ZNF804B: variants seen among roughly 807,000 people sequenced by gnomAD.
ZNF804B encodes zinc finger 804B.
A neutral mutation model predicts 101.4 loss-of-function variants in ZNF804B; 80 were observed. The ratio of observed to expected loss-of-function variants is 0.79; its 90% CI spans 0.66 to 0.95. ZNF804B has a LOEUF of 0.95. ZNF804B is among the 40% of genes least tolerant of loss of function. The pLI, the probability that ZNF804B is intolerant of heterozygous loss-of-function variation, is 0.00. For synonymous variants in ZNF804B, 622 were observed against 558.8 expected, an observed-to-expected ratio of 1.11 and a Z score of -1.59; for missense variants, 1,673 against 1,561.9, an observed-to-expected ratio of 1.07 and a Z score of -1.20.
intron 1 of ZNF804B, among the ~76,000 whole-genome samples, chr7:88,979,729 G>T (rs1487871329): frequency 6.7e-6 from 1 of 149,254 alleles, no homozygotes; most frequent in Non-Finnish European, 1.5e-5. Context: ...TAACCTTCTT[G>T]TACTTTTCAA....
intron 1 of ZNF804B, among the ~76,000 whole-genome samples, chr7:88,942,764 G>T (rs1793074695): frequency 6.6e-6 from 1 of 151,738 alleles, no homozygotes; most frequent in African/African-American, 2.4e-5. Flanking sequence ...TATATTATGT[G>T]TGTTGGTTCT....
At position 88,917,689 on chromosome 7, in the gene ZNF804B, C is replaced by T. The variant is rs549604552; in HGVS notation, c.108+157605C>T. Among the ~76,000 whole-genome samples, 5 of 152,138 alleles carry T rather than the reference C, an allele frequency of 3.3e-5. 1 individual carries two copies. The South Asian group carries it at 1.0e-3, about 32-fold the overall frequency. ...ATTTTGCAAATTACATCAAGATTGC[C>T]AGGTTAAATGTAAGAGCTAGGGACT... On this transcript the variant is annotated intron_variant, in intron 1 of 3. Coordinates refer to ENST00000333190, the MANE Select transcript of ZNF804B (RefSeq NM_181646.5).
chr7:88,974,509 T>C (rs1793585679), intron 1 of ZNF804B, among the ~76,000 whole-genome samples: 1 of 151,228 alleles, frequency 6.6e-6, no homozygotes, highest in African/African-American at 2.4e-5. Flanking sequence ...ATCTGGCCCT[T>C]AGAAAAATAA....
At chr7:89,006,664 A>G (rs1788372447) in intron 1 of ZNF804B, among the ~76,000 whole-genome samples, 1 of 152,148 alleles carries the variant, frequency 6.6e-6, no homozygotes, top group South Asian at 2.1e-4. Flanking sequence ...CAATGTCAGT[A>G]CATATTCACT....
At chr7:89,200,125 G>A (rs1220429821) in intron 1 of ZNF804B, among the ~76,000 whole-genome samples, 1 of 151,752 alleles carries the variant, frequency 6.6e-6, no homozygotes, top group Non-Finnish European at 1.5e-5. Context: ...TAGAGGTTAA[G>A]TGATGCACTG....
chr7:89,242,735 A>G (rs1263884613), intron 2 of ZNF804B, among the ~76,000 whole-genome samples: 4 of 151,916 alleles, frequency 2.6e-5, no homozygotes, highest in African/African-American at 9.7e-5. Flanking sequence ...TTTCCAAAGC[A>G]TATGTAATAT....
At chr7:88,875,803 C>T (rs1236161583) in intron 1 of ZNF804B, among the ~76,000 whole-genome samples, 1 of 152,202 alleles carries the variant, frequency 6.6e-6, no homozygotes, top group African/African-American at 2.4e-5. Context: ...CTCGCTAACT[C>T]ATTTTATGAG....
chr7:88,858,948 A>G (rs1791610510), intron 1 of ZNF804B, among the ~76,000 whole-genome samples: 1 of 152,116 alleles, frequency 6.6e-6, no homozygotes, highest in East Asian at 1.9e-4. Context: ...TTGAGATGGA[A>G]GATTATTAAT....
intron 1 of ZNF804B, among the ~76,000 whole-genome samples, chr7:88,903,476 G>C (rs978734015): frequency 7.9e-5 from 12 of 152,114 alleles, no homozygotes; most frequent in Non-Finnish European, 1.5e-4. Context: ...ACCCAGTACT[G>C]GGATTGCTGT....
chr7:88,837,941 AT>A (rs1351493091), intron 1 of ZNF804B, among the ~76,000 whole-genome samples: 1 of 151,776 alleles, frequency 6.6e-6, no homozygotes, highest in Admixed American at 6.6e-5. Flanking sequence ...TTATTTAAAA[AT>A]ATAATACATG....
At chr7:88,939,356 G>A (rs1188143228) in intron 1 of ZNF804B, among the ~76,000 whole-genome samples, 1 of 151,742 alleles carries the variant, frequency 6.6e-6, no homozygotes, top group South Asian at 2.1e-4. Context: ...TTGTTGTAAT[G>A]TTAATATTTA....
intron 1 of ZNF804B, among the ~76,000 whole-genome samples, chr7:89,117,010 C>T (rs939302086): frequency 6.6e-6 from 1 of 152,114 alleles, no homozygotes; most frequent in African/African-American, 2.4e-5. Flanking sequence ...TTTGACCACA[C>T]AGAGAAGGCA....
At chr7:88,939,413 C>T (rs1016549360) in intron 1 of ZNF804B, among the ~76,000 whole-genome samples, 10 of 151,754 alleles carry the variant, frequency 6.6e-5, no homozygotes, top group Admixed American at 6.6e-4. Context: ...CAGACAGAAT[C>T]CACAAATATG....
intron 1 of ZNF804B, among the ~76,000 whole-genome samples, chr7:89,006,855 G>T (rs1317223525): frequency 6.6e-6 from 1 of 151,974 alleles, no homozygotes; most frequent in East Asian, 1.9e-4. Context: ...TTTTCTTAGG[G>T]TGCTAACAAT....
At chr7:89,187,325 C>T (rs1201031678) in intron 1 of ZNF804B, among the ~76,000 whole-genome samples, 2 of 152,096 alleles carry the variant, frequency 1.3e-5, no homozygotes, top group Non-Finnish European at 2.9e-5. Flanking sequence ...GGATCATATT[C>T]TTTCTCACCA....
At chr7:88,901,030 C>T (rs1422850353) in intron 1 of ZNF804B, among the ~76,000 whole-genome samples, 1 of 151,578 alleles carries the variant, frequency 6.6e-6, no homozygotes, top group Non-Finnish European at 1.5e-5. Context: ...TTTTAATTTG[C>T]TTTTTCAAGT....
At chr7:88,890,717 G>T (rs368311653) in intron 1 of ZNF804B, among the ~76,000 whole-genome samples, 1 of 152,048 alleles carries the variant, frequency 6.6e-6, no homozygotes, top group East Asian at 1.9e-4. Context: ...GTTATTGGTG[G>T]ATACATATAA....
Position 88,936,113 on chromosome 7 carries a change from A to T in ZNF804B, c.108+176029A>T, listed in dbSNP as rs1355009720. Among the ~76,000 whole-genome samples, 235 of 139,456 alleles carry T rather than the reference A, an allele frequency of 1.7e-3. 1 individual carries two copies. The highest frequency in any genetic ancestry group is 3.6e-3 in the Middle Eastern group (1 of 276). The allele number at this position is 139,456 out of a possible 152,430, so 91.5% of individuals were successfully genotyped here. ...TTCATCTTTCTTCCTTTTTTTTTTT[A>T]AAAAAAATAACATATGCCTGTGGTC... is the stretch of plus-strand genomic sequence containing the variant. On this transcript the variant is annotated intron_variant, in intron 1 of 3. Transcript: ENST00000333190.
In ZNF804B at chr7:89,087,989, A is replaced by AAT. The variant is rs34689504; in HGVS notation, c.109-130153_109-130152dup. On this transcript the variant is annotated intron_variant, in intron 1 of 3. Transcript: ENST00000333190. ...ATAAGCTTACACATATATGTATATA[A>AAT]ATATATATATATATTAATTTATTTC... 7.0e-4 allele frequency among the ~76,000 whole-genome samples: 104 copies of AAT among 148,666 alleles called. 2 individuals are homozygous for AAT. The highest frequency in any genetic ancestry group is 7.1e-3 in the Middle Eastern group (2 of 280).
Sources: allele counts gnomAD v4.1 joint callset (sites outside exome capture counted in the v4.1 genomes callset), GRCh38; gene constraint gnomAD v4.1.1; transcripts MANE v1.5; gene names NCBI Gene and HGNC (gene_info 2026-07-23, HGNC 2026-07-21).